Variants in MED26 observed in about 807,000 individuals in gnomAD.
The protein encoded by MED26 is mediator complex subunit 26, also known as mediator of RNA polymerase II transcription subunit 26.
MED26 carries 7 observed loss-of-function variants against 43.7 expected under a neutral mutation model. The observed-to-expected ratio is 0.16, with a 90% CI of 0.09 to 0.30. MED26 has a LOEUF of 0.30. Among genes scored for constraint, MED26 ranks in the 10% least tolerant of loss-of-function variants. The pLI is 1.00. For synonymous variants in MED26, 375 were observed against 371.1 expected (o/e 1.01, Z -0.12); for missense variants, 784 against 840.6 (o/e 0.93, Z 0.83).
intron 1 of MED26, among the ~76,000 whole-genome samples, chr19:16,584,445 T>A (rs78934459): frequency 0.012 from 1,757 of 152,182 alleles, 32 homozygotes; most frequent in African/African-American, 0.041. Context: ...GCTGTTCAGC[T>A]CACAGGAAAT....
At chr19:16,618,020 A>G (rs371447244) in intron 1 of MED26, among the ~76,000 whole-genome samples, 6 of 152,098 alleles carry the variant, frequency 3.9e-5, no homozygotes, top group African/African-American at 1.4e-4. Context: ...CTGCAAAAGA[A>G]AGATCACTTG....
chr19:16,578,230 C>G (rs141702689), intron 2 of MED26, 105 bp downstream of exon 2: 4 of 1,109,066 alleles, frequency 3.6e-6, no homozygotes, highest in South Asian at 1.3e-5. Flanking sequence ...CTTGGTCCTC[C>G]GAAGCAAAGA....
At chr19:16,612,125 A>G (rs2086202152) in intron 1 of MED26, 1 of 152,212 alleles carries the variant, frequency 6.6e-6, no homozygotes, top group African/African-American at 2.4e-5. Context: ...CGGGAGAGAT[A>G]AAACAGCAAC....
chr19:16,589,253 A>T (rs1342767185), intron 1 of MED26: 3 of 152,052 alleles, frequency 2.0e-5, no homozygotes, highest in African/African-American at 7.3e-5. Context: ...GAGTCTGGTG[A>T]CTCTGTGGAT....
intron 1 of MED26, chr19:16,610,497 A>G (rs1157620348): frequency 1.3e-5 from 2 of 151,582 alleles, no homozygotes; most frequent in Admixed American, 6.6e-5. Flanking sequence ...GGTTCAAGCA[A>G]TTCTCCTGCC....
chr19:16,605,768 A>G (rs2086169767), intron 1 of MED26, among the ~76,000 whole-genome samples: 1 of 152,234 alleles, frequency 6.6e-6, no homozygotes. Flanking sequence ...GGGGACTGAC[A>G]GGCAGACTCC....
At chr19:16,621,016 T>C (rs1414382041) in intron 1 of MED26, among the ~76,000 whole-genome samples, 1 of 152,200 alleles carries the variant, frequency 6.6e-6, no homozygotes, top group Non-Finnish European at 1.5e-5. Context: ...GGGGAAAAGT[T>C]GTAGGAACTG....
intron 1 of MED26, among the ~76,000 whole-genome samples, chr19:16,584,097 A>G (rs12462015): frequency 0.089 from 13,469 of 151,928 alleles, 692 homozygotes; most frequent in Admixed American, 0.12. Flanking sequence ...TGAGAACTTA[A>G]AAAGGCTTCC....
At chr19:16,602,587 T>C (rs1441416030) in intron 1 of MED26, among the ~76,000 whole-genome samples, 2 of 152,212 alleles carry the variant, frequency 1.3e-5, no homozygotes, top group Non-Finnish European at 2.9e-5. Flanking sequence ...ACATGGTGGA[T>C]ACAACTCAAG....
chr19:16,590,690 T>C (rs781193905), intron 1 of MED26, among the ~76,000 whole-genome samples: 3 of 152,180 alleles, frequency 2.0e-5, no homozygotes, highest in Non-Finnish European at 4.4e-5. Context: ...TTAAAATTTA[T>C]CAAATTATAT....
chr19:16,613,949 C>T (rs776939520), intron 1 of MED26, among the ~76,000 whole-genome samples: 21 of 152,148 alleles, frequency 1.4e-4, no homozygotes, highest in Non-Finnish European at 2.4e-4. Context: ...CCCTTCCAAC[C>T]GCATGGCCTC....
intron 1 of MED26, among the ~76,000 whole-genome samples, chr19:16,615,189 G>T (rs933974057): frequency 6.6e-6 from 1 of 152,146 alleles, no homozygotes; most frequent in African/African-American, 2.4e-5. Context: ...TGCTTATGGA[G>T]GCTCTGGACC....
chr19:16,627,950 G>A lies in MED26; in HGVS notation c.-7C>T. On this transcript the variant is annotated 5_prime_UTR_variant, in exon 1 of 3. Transcript: ENST00000263390. ...ACGCCGGAGCCGCTGTCATTGCCTG[G>A]GCGAGGCGGGGGGTTGCGGCCGGGC... 6.8e-7 allele frequency: 1 copy of A among 1,460,996 alleles called. No individual in the cohort carries two copies. The highest frequency in any genetic ancestry group is 1.3e-5 in the South Asian group (1 of 75,974). 90.5% of individuals were successfully genotyped at this position (1,460,996 alleles called of 1,614,324 possible). A position where few individuals can be genotyped will look rare whatever the true frequency, so the allele number is the denominator to read the frequency against.
chr19:16,622,130 A>C (rs2043471566), intron 1 of MED26, among the ~76,000 whole-genome samples: 1 of 152,224 alleles, frequency 6.6e-6, no homozygotes, highest in South Asian at 2.1e-4. Context: ...GGATGATAGA[A>C]TATACTTAAG....
chr19:16,592,148 G>C (rs2086100652), intron 1 of MED26, among the ~76,000 whole-genome samples: 1 of 152,208 alleles, frequency 6.6e-6, no homozygotes, highest in African/African-American at 2.4e-5. Flanking sequence ...CAGCCAATCA[G>C]AGGCTCCCTG....
At chr19:16,598,333 T>A (rs1439181566) in intron 1 of MED26, among the ~76,000 whole-genome samples, 2 of 55,718 alleles carry the variant, frequency 3.6e-5, no homozygotes, top group African/African-American at 6.2e-5. Flanking sequence ...TAAGATTCCA[T>A]CTCAAAAAAA....
intron 1 of MED26, among the ~76,000 whole-genome samples, chr19:16,594,799 A>C (rs1344443605): frequency 1.3e-5 from 2 of 152,200 alleles, no homozygotes; most frequent in Non-Finnish European, 2.9e-5. Context: ...AGAAAATGCA[A>C]CAGTGCAATT....
In MED26 at chr19:16,577,463, T is replaced by C. The variant is rs2086017233; in HGVS notation, c.367A>G (p.Ser123Gly). ...PEVGAAGPPRSIHDLKSRNDL... is the reference protein window; with the variant it reads ...PEVGAAGPPRGIHDLKSRNDL... Reference sequence around the variant, plus strand: ...TTGCGGCTCTTCAGGTCATGGATGCTCCTGGGTGGGCCAGCCGCCCCCACC... The same window carrying C: ...TTGCGGCTCTTCAGGTCATGGATGCCCCTGGGTGGGCCAGCCGCCCCCACC... Residue 123 changes from serine (S) to glycine (G), a missense_variant, in exon 3 of 3, where the codon AGC becomes GGC. Physicochemically the swap from Ser to Gly is moderately conservative, Grantham distance 56. This residue lies in a region of MED26 where 719 missense variants were observed against 730.9 expected (regional missense o/e 0.98). Coordinates refer to ENST00000263390, the MANE Select transcript of MED26 (RefSeq NM_004831.5). The surrounding 1 kb of genome is among the most constrained non-coding windows in gnomAD (Gnocchi z 8.1). 1 of 1,591,250 alleles carries C rather than the reference T, an allele frequency of 6.3e-7. No individual in the cohort carries two copies. Among genetic ancestry groups the C allele is most frequent in the Admixed American group, 1.7e-5 (1 of 58,964 alleles).
At chr19:16,591,719 C>T (rs1228458282) in intron 1 of MED26, among the ~76,000 whole-genome samples, 2 of 152,222 alleles carry the variant, frequency 1.3e-5, no homozygotes, top group Non-Finnish European at 2.9e-5. Flanking sequence ...ACAGTCTGCT[C>T]TCCCCAAAAC....
Sources: gnomAD v4.1 joint callset for allele counts (sites outside exome capture counted in the v4.1 genomes callset) on GRCh38, gnomAD v4.1.1 for gene constraint, gnomAD v4.1.1 regional missense constraint, Gnocchi (gnomAD v3.1) non-coding constraint, MANE v1.5 for transcripts, NCBI Gene and HGNC (gene_info 2026-07-23, HGNC 2026-07-21) for gene names.